ESRRG: variants seen among roughly 807,000 people sequenced by gnomAD.
ESRRG encodes the protein estrogen related receptor gamma, also known as estrogen-related receptor gamma.
ESRRG carries 13 observed loss-of-function variants against 44.0 expected under a neutral mutation model. The observed-to-expected ratio is 0.30, with a 90% confidence interval of 0.19 to 0.47. The LOEUF (loss-of-function observed/expected upper bound fraction) is 0.47. Ranked by LOEUF, ESRRG falls within the 20% of genes least tolerant of loss-of-function variation. The probability of loss-of-function intolerance (pLI) is 1.00; values close to 1 mark genes in which losing one functional copy is unlikely to be tolerated. For missense variants in ESRRG, 395 were observed against 580.6 expected (o/e 0.68, Z 3.29); for synonymous variants, 215 against 214.6 (o/e 1.00, Z -0.02).
chr1:216,890,503 G>C (rs2057627998), intron 2 of ESRRG, among the ~76,000 whole-genome samples: 1 of 152,116 alleles, frequency 6.6e-6, no homozygotes, highest in Admixed American at 6.5e-5. Flanking sequence ...GTCCAGAGGG[G>C]AAATCTTAAA....
chr1:216,579,355 G>C lies in ESRRG; in HGVS notation c.590-11257C>G, dbSNP rs903861470. 2.0e-5 allele frequency among the ~76,000 whole-genome samples: 3 copies of C among 152,188 alleles called. No homozygotes were observed. In the South Asian group the frequency reaches 6.2e-4, roughly 32 times the overall value. On this transcript the variant is annotated intron_variant, in intron 3 of 6. Transcript: ENST00000408911. ...TTAAAGGTTTGGAGGAGAGTTATAC[G>C]TATGTGTATTCATAGTTACATGTCC...
At chr1:217,123,455 T>C (rs1441274437) in intron 1 of ESRRG, among the ~76,000 whole-genome samples, 1 of 152,176 alleles carries the variant, frequency 6.6e-6, no homozygotes, top group Non-Finnish European at 1.5e-5. Context: ...CATGCACATG[T>C]ATGTTCATTG....
chr1:216,863,722 C>G (rs1386482624), intron 2 of ESRRG: 1 of 151,968 alleles, frequency 6.6e-6, no homozygotes, highest in Non-Finnish European at 1.5e-5. Context: ...CTTTGCTATT[C>G]CCTCTGCAAC....
At chr1:217,084,085 G>T (rs1029472252) in intron 1 of ESRRG, among the ~76,000 whole-genome samples, 51 of 150,260 alleles carry the variant, frequency 3.4e-4, no homozygotes, top group Non-Finnish European at 7.1e-4. Context: ...AAGTCATTAG[G>T]TTTTTTTCCC....
intron 1 of ESRRG, among the ~76,000 whole-genome samples, chr1:217,041,232 A>G (rs2083804819): frequency 6.6e-6 from 1 of 152,170 alleles, no homozygotes; most frequent in African/African-American, 2.4e-5. Flanking sequence ...CTGTAAAAAG[A>G]TCATAGCTGA....
intron 2 of ESRRG, among the ~76,000 whole-genome samples, chr1:216,817,607 A>G (rs563588678): frequency 3.3e-5 from 5 of 152,352 alleles, no homozygotes; most frequent in Admixed American, 3.3e-4. Flanking sequence ...ATTACAGCAA[A>G]GAAACATCTA....
chr1:216,904,211 C>A (rs568044247), intron 2 of ESRRG, among the ~76,000 whole-genome samples: 3 of 151,156 alleles, frequency 2.0e-5, no homozygotes, highest in African/African-American at 7.3e-5. Context: ...ATCACCCCCC[C>A]CAACTGATAA....
chr1:216,522,079 A>C (rs2046255314), intron 5 of ESRRG, among the ~76,000 whole-genome samples: 1 of 152,072 alleles, frequency 6.6e-6, no homozygotes, highest in South Asian at 2.1e-4. Context: ...TTGAACAAAA[A>C]ACAATAAAAT....
intron 2 of ESRRG, among the ~76,000 whole-genome samples, chr1:216,782,431 A>G (rs531188058): frequency 3.9e-4 from 59 of 152,144 alleles, no homozygotes; most frequent in African/African-American, 1.3e-3. Context: ...GCAGGCAAAC[A>G]TTTTCTGCTG....
At chr1:216,709,164 T>C (rs2083058302) in intron 1 of ESRRG, among the ~76,000 whole-genome samples, 1 of 152,020 alleles carries the variant, frequency 6.6e-6, no homozygotes, top group Non-Finnish European at 1.5e-5. Flanking sequence ...TGTATACCTA[T>C]GTAACAAAAC....
At chr1:216,864,581 C>A (rs935661269) in intron 2 of ESRRG, 8 of 151,296 alleles carry the variant, frequency 5.3e-5, no homozygotes, top group South Asian at 2.1e-4. Flanking sequence ...AAAAAAAAAA[C>A]CAAAACACTT....
chr1:216,575,414 C>A (rs1428181811), intron 3 of ESRRG, among the ~76,000 whole-genome samples: 1 of 152,020 alleles, frequency 6.6e-6, no homozygotes, highest in Admixed American at 6.6e-5. Context: ...CTCTCCCTAC[C>A]AAGCAACGTC....
At chr1:216,747,166 T>G (rs1183404935) in intron 2 of ESRRG, among the ~76,000 whole-genome samples, 1 of 152,210 alleles carries the variant, frequency 6.6e-6, no homozygotes, top group African/African-American at 2.4e-5. Context: ...ATGTTAGTTT[T>G]CCAGTTTTAT....
intron 2 of ESRRG, among the ~76,000 whole-genome samples, chr1:216,908,399 T>C (rs1021753068): frequency 6.6e-6 from 1 of 152,212 alleles, no homozygotes; most frequent in Non-Finnish European, 1.5e-5. Flanking sequence ...AGGGCTAGGA[T>C]AGTCTGGGAT....
intron 5 of ESRRG, among the ~76,000 whole-genome samples, chr1:216,522,047 C>T (rs948576843): frequency 2.0e-5 from 3 of 152,120 alleles, no homozygotes; most frequent in East Asian, 1.9e-4. Flanking sequence ...AACAACATTT[C>T]GCACATTTCT....
At chr1:216,939,364 A>AAAAAAACAAAAAAC (rs1553720880) in intron 2 of ESRRG, among the ~76,000 whole-genome samples, 1 of 133,730 alleles carries the variant, frequency 7.5e-6, no homozygotes, top group African/African-American at 3.1e-5. Flanking sequence ...AAAAAAAAAA[A>AAAAAAACAAAAAAC]AAAAAACACT....
chr1:216,975,503 G>A (rs749914204), intron 1 of ESRRG, among the ~76,000 whole-genome samples: 4 of 152,154 alleles, frequency 2.6e-5, no homozygotes, highest in African/African-American at 7.2e-5. Flanking sequence ...CCAATTTGGC[G>A]GAAAATCTTG....
chr1:216,765,297 T>C (rs764020216), intron 2 of ESRRG, among the ~76,000 whole-genome samples: 22 of 151,996 alleles, frequency 1.4e-4, no homozygotes, highest in Non-Finnish European at 4.4e-5. Flanking sequence ...TTAACAACAA[T>C]AATAATGATG....
intron 2 of ESRRG, among the ~76,000 whole-genome samples, chr1:216,765,414 T>C (rs927019700): frequency 2.0e-5 from 3 of 152,136 alleles, no homozygotes; most frequent in Non-Finnish European, 4.4e-5. Context: ...AGCCCTGTGA[T>C]CACCCCTAGT....
Sources: gnomAD v4.1 joint callset for allele counts (sites outside exome capture counted in the v4.1 genomes callset) on GRCh38, gnomAD v4.1.1 for gene constraint, MANE v1.5 for transcripts, NCBI Gene and HGNC (gene_info 2026-07-23, HGNC 2026-07-21) for gene names.